AGAP1: variants seen among roughly 807,000 people sequenced by gnomAD.
The protein encoded by AGAP1 is arf-GAP with GTPase, ANK repeat and PH domain-containing protein 1.
Under a neutral mutation model 105.3 loss-of-function variants are expected in AGAP1, and 29 were observed. That is an observed-to-expected ratio of 0.28 (90% CI 0.21 to 0.38). The LOEUF is 0.38. Ranked by LOEUF, AGAP1 falls within the 10% of genes least tolerant of loss-of-function variation. AGAP1 has a pLI of 1.00. For missense variants in AGAP1, 998 were observed against 1,165.1 expected (o/e 0.86, Z 2.09); for synonymous variants, 509 against 485.9 (o/e 1.05, Z -0.63).
intron 6 of AGAP1, among the ~76,000 whole-genome samples, chr2:235,763,014 G>C (rs1364764681): frequency 6.7e-6 from 1 of 150,068 alleles, no homozygotes; most frequent in South Asian, 2.1e-4. Flanking sequence ...GCCACCCGGG[G>C]GCAATGATTG....
rs1322289161 is a variant in AGAP1, at chr2:235,611,457, G to C, written c.164-97722G>C. 6.6e-6 allele frequency among the ~76,000 whole-genome samples: 1 copy of C among 152,242 alleles called. No homozygotes were observed. The highest frequency in any genetic ancestry group is 2.4e-5 in the African/African-American group (1 of 41,472). Reference sequence around the variant, plus strand: ...GAGCTGATTTTTGGAGGAGTGGTTTGTCTGCAGTTGCACACATCTGTGATA... The same window carrying C: ...GAGCTGATTTTTGGAGGAGTGGTTTCTCTGCAGTTGCACACATCTGTGATA... On this transcript the variant is annotated intron_variant, in intron 1 of 17. Coordinates refer to ENST00000304032, the MANE Select transcript of AGAP1 (RefSeq NM_001037131.3). The surrounding 1 kb of genome is among the most constrained non-coding windows in gnomAD (Gnocchi z 5.0).
At position 236,009,673 on chromosome 2, in the gene AGAP1, C is replaced by T. The variant is rs1380675671; in HGVS notation, c.1646-26888C>T. Among the ~76,000 whole-genome samples, 2 of 152,096 alleles carry T rather than the reference C, an allele frequency of 1.3e-5. No individual in the cohort carries two copies. The highest frequency in any genetic ancestry group is 2.9e-5 in the Non-Finnish European group (2 of 68,018). On this transcript the variant is annotated intron_variant, in intron 13 of 17. Coordinates refer to ENST00000304032, the MANE Select transcript of AGAP1 (RefSeq NM_001037131.3). The surrounding 1 kb of genome is among the most constrained non-coding windows in gnomAD (Gnocchi z 4.2). ...GAGTGGCACACCTCTTCAACCCATCCCCTTCCTCCATGGAGGTAAAAAGAT... is the reference window on the plus strand; with the variant it reads ...GAGTGGCACACCTCTTCAACCCATCTCCTTCCTCCATGGAGGTAAAAAGAT...
intron 1 of AGAP1, among the ~76,000 whole-genome samples, chr2:235,629,269 TG>T (rs1268925264): frequency 2.7e-3 from 6 of 2,220 alleles, no homozygotes; most frequent in East Asian, 0.062. Flanking sequence ...TAGTAGTCAT[TG>T]TGTGTGTGTG....
In AGAP1 at chr2:236,020,338, C is replaced by A. The variant is rs1188661015; in HGVS notation, c.1646-16223C>A. ...TGAACGTTGTTTATGTAGCCAGGAA[C>A]AGAGATTTGAAAAGACGTGTTGCCC... is the stretch of plus-strand genomic sequence containing the variant. On this transcript the variant is annotated intron_variant, in intron 13 of 17. Transcript: ENST00000304032. The surrounding 1 kb of genome is among the most constrained non-coding windows in gnomAD (Gnocchi z 5.0). Among the ~76,000 whole-genome samples the A allele has an allele frequency of 6.6e-6, 1 of 152,170 alleles. No individual in the cohort carries two copies. Among genetic ancestry groups the A allele is most frequent in the African/African-American group, 2.4e-5 (1 of 41,442 alleles).
chr2:235,554,056 C>T (rs761286198), intron 1 of AGAP1, among the ~76,000 whole-genome samples: 6 of 152,214 alleles, frequency 3.9e-5, no homozygotes, highest in Non-Finnish European at 7.3e-5. Context: ...CACCCAGTCA[C>T]TGCAGGAGAC....
chr2:235,771,764 C>G (rs1411004286), intron 6 of AGAP1, among the ~76,000 whole-genome samples: 1 of 152,190 alleles, frequency 6.6e-6, no homozygotes, highest in African/African-American at 2.4e-5. Context: ...CTTCCCAGCA[C>G]TCCTGTCTCT....
chr2:235,940,388 C>G (rs2125208404), intron 12 of AGAP1, among the ~76,000 whole-genome samples: 1 of 152,320 alleles, frequency 6.6e-6, no homozygotes, highest in South Asian at 2.1e-4. Flanking sequence ...CAGTGGCTTC[C>G]CACTGCCAGT....
Position 236,125,399 on chromosome 2 carries a change from A to C in AGAP1, c.*1277A>C, listed in dbSNP as rs2059987190. On this transcript the variant is annotated 3_prime_UTR_variant, in exon 18 of 18. Transcript: ENST00000304032. This position sits in a 1 kb window ranked among gnomAD's most constrained non-coding sequence, Gnocchi z 5.2. ...TTCCCAGCAGTAAACACTTCCATTA[A>C]TGTGATCTACGGCTTTTGAAAAGGA... The C allele has an allele frequency of 6.6e-6, 1 of 152,654 alleles. No homozygotes were observed. The highest frequency in any genetic ancestry group is 6.5e-5 in the Admixed American group (1 of 15,302). 9.5% of individuals were successfully genotyped at this position (152,654 alleles called of 1,614,324 possible).
At chr2:235,512,570 G>A (rs1442591609) in intron 1 of AGAP1, among the ~76,000 whole-genome samples, 3 of 152,122 alleles carry the variant, frequency 2.0e-5, no homozygotes, top group African/African-American at 7.2e-5. Flanking sequence ...CTCCAACCTG[G>A]GCAACAGAGT....
chr2:235,777,129 C>A lies in AGAP1; in HGVS notation c.674-20630C>A. 3.0e-5 allele frequency: 14 copies of A among 459,106 alleles called. No homozygotes were observed. Among genetic ancestry groups the A allele is most frequent in the South Asian group, 1.9e-4 (12 of 62,566 alleles). The allele number at this position is 459,106 out of a possible 1,614,324, so 28.4% of individuals were successfully genotyped here. ...ATTCCAGCACTTTGAGAGGCCAAGG[C>A]GGGTGGATCACGAGGTCAGGAGATC... On this transcript the variant is annotated intron_variant, in intron 6 of 17. Transcript: ENST00000304032. This position sits in a 1 kb window ranked among gnomAD's most constrained non-coding sequence, Gnocchi z 5.1.
At chr2:235,829,845 G>A (rs1350839019) in intron 9 of AGAP1, among the ~76,000 whole-genome samples, 1 of 152,142 alleles carries the variant, frequency 6.6e-6, no homozygotes, top group East Asian at 1.9e-4. Flanking sequence ...TGCAGGGGGT[G>A]GTCAAGGACC....
Position 235,988,934 on chromosome 2 carries a change from C to G in AGAP1, c.1645+20311C>G, listed in dbSNP as rs1322943866. ...TGCTGGTGATCCTCCAGTTCTCACA[C>G]ACCTGCACCTTGGGGTCGTTGAGTT... On this transcript the variant is annotated intron_variant, in intron 13 of 17. Transcript: ENST00000304032. The surrounding 1 kb of genome is among the most constrained non-coding windows in gnomAD (Gnocchi z 4.7). 6.6e-6 allele frequency among the ~76,000 whole-genome samples: 1 copy of G among 152,162 alleles called. No individual in the cohort carries two copies. The highest frequency in any genetic ancestry group is 2.4e-5 in the African/African-American group (1 of 41,452).
At position 235,732,441 on chromosome 2, in the gene AGAP1, A is replaced by G. The variant is rs1484586198; in HGVS notation, c.311-8522A>G. ...TTATCTCATATTGTTTCAAATTCTC[A>G]TACTGGAGGTTCTCGTCTCCTGGAA... is the stretch of plus-strand genomic sequence containing the variant. On this transcript the variant is annotated intron_variant, in intron 3 of 17. Transcript: ENST00000304032. This position sits in a 1 kb window ranked among gnomAD's most constrained non-coding sequence, Gnocchi z 4.8. Among the ~76,000 whole-genome samples, 3 of 152,132 alleles carry G rather than the reference A, an allele frequency of 2.0e-5. No individual in the cohort carries two copies. Among genetic ancestry groups the G allele is most frequent in the Admixed American group, 6.6e-5 (1 of 15,266 alleles).
chr2:235,749,270 G>A (rs1314278250), intron 5 of AGAP1, among the ~76,000 whole-genome samples: 1 of 151,850 alleles, frequency 6.6e-6, no homozygotes, highest in Admixed American at 6.6e-5. Flanking sequence ...AAGCCCTGTG[G>A]CTGTTCACAT....
intron 13 of AGAP1, among the ~76,000 whole-genome samples, chr2:236,033,535 A>G (rs957443291): frequency 1.3e-5 from 2 of 152,250 alleles, no homozygotes; most frequent in African/African-American, 4.8e-5. Context: ...GAGGCAAAAA[A>G]TAGAGACGTT....
In AGAP1 at chr2:236,076,972, A is replaced by G. The variant is rs1033572221; in HGVS notation, c.2114+27691A>G. Among the ~76,000 whole-genome samples the G allele has an allele frequency of 2.0e-5, 3 of 151,264 alleles. No individual in the cohort carries two copies. Among genetic ancestry groups the G allele is most frequent in the Non-Finnish European group, 2.9e-5 (2 of 67,822 alleles). On this transcript the variant is annotated intron_variant, in intron 16 of 17. Coordinates refer to ENST00000304032, the MANE Select transcript of AGAP1 (RefSeq NM_001037131.3). The surrounding 1 kb of genome is among the most constrained non-coding windows in gnomAD (Gnocchi z 4.4). Reference sequence around the variant, plus strand: ...AATACCCAAAAAAAAAAAGCCAGGCATGGTGGTGCATGTCTGTGTCCCAGC... The same window carrying G: ...AATACCCAAAAAAAAAAAGCCAGGCGTGGTGGTGCATGTCTGTGTCCCAGC...
At chr2:235,711,903 AGCCTCCAATAG>A (rs1950877203) in intron 2 of AGAP1, among the ~76,000 whole-genome samples, 2 of 152,216 alleles carry the variant, frequency 1.3e-5, no homozygotes, top group South Asian at 4.1e-4. Context: ...TGTCATGGCA[AGCCTCCAATAG>A]GCCCTTTATG....
intron 3 of AGAP1, among the ~76,000 whole-genome samples, chr2:235,738,239 G>T (rs1355733296): frequency 1.3e-5 from 2 of 152,086 alleles, no homozygotes; most frequent in African/African-American, 4.8e-5. Flanking sequence ...AACACTTGGG[G>T]GTGAGATAAA....
intron 1 of AGAP1, among the ~76,000 whole-genome samples, chr2:235,591,768 G>A (rs1415018942): frequency 6.6e-6 from 1 of 152,044 alleles, no homozygotes; most frequent in African/African-American, 2.4e-5. Context: ...GGTCTGTTTT[G>A]TTTTGTTTTT....
Sources: allele counts gnomAD v4.1 joint callset (sites outside exome capture counted in the v4.1 genomes callset), GRCh38; gene constraint gnomAD v4.1.1; non-coding constraint Gnocchi (gnomAD v3.1); transcripts MANE v1.5; gene names NCBI Gene and HGNC (gene_info 2026-07-23, HGNC 2026-07-21).